The following CREB3L2 variants were observed in gnomAD, a reference collection of about 807,000 sequenced individuals.
CREB3L2 encodes the protein cAMP responsive element binding protein 3 like 2, also known as cyclic AMP-responsive element-binding protein 3-like protein 2.
A neutral mutation model predicts 57.2 loss-of-function variants in CREB3L2; 23 were observed. The observed-to-expected ratio is 0.40, with a 90% CI of 0.29 to 0.57. The LOEUF is 0.57. Ranked by LOEUF, CREB3L2 falls within the 20% of genes least tolerant of loss-of-function variation. CREB3L2 has a pLI of 0.42. For synonymous variants in CREB3L2, 268 were observed against 265.1 expected (o/e 1.01, Z -0.11); for missense variants, 628 against 634.7 (o/e 0.99, Z 0.11).
At chr7:137,948,510 C>G (rs1339268612) in intron 1 of CREB3L2, among the ~76,000 whole-genome samples, 1 of 152,180 alleles carries the variant, frequency 6.6e-6, no homozygotes, top group Non-Finnish European at 1.5e-5. Context: ...TTCCATGTCC[C>G]TACTAAATTT....
At chr7:137,966,977 A>G (rs2117293893) in intron 1 of CREB3L2, among the ~76,000 whole-genome samples, 1 of 152,302 alleles carries the variant, frequency 6.6e-6, no homozygotes, top group East Asian at 1.9e-4. Context: ...GGAGGTTTAC[A>G]TGACGTCATG....
intron 5 of CREB3L2, among the ~76,000 whole-genome samples, chr7:137,906,674 C>T (rs1225357936): frequency 1.3e-5 from 2 of 152,314 alleles, no homozygotes; most frequent in South Asian, 2.1e-4. Context: ...TCCCATAATT[C>T]CCACGTGTTG....
At position 137,905,801 on chromosome 7, in the gene CREB3L2, C is replaced by T. The variant is rs1387344082; in HGVS notation, c.816G>A (p.Arg272=). 3 of 1,614,024 alleles carry T rather than the reference C, an allele frequency of 1.9e-6. No individual in the cohort carries two copies. The highest frequency in any genetic ancestry group is 2.5e-6 in the Non-Finnish European group (3 of 1,180,016). ...TGGGATAGCCCTCAGCGATCAGGGT[C>T]CTCTTCTCCTCCTCTGTCAGGACCA... ...GPLVLTEEEK[R]TLIAEGYPIP... is the part of the protein sequence containing the mutation. Residue 272 remains arginine (R), a synonymous_variant, in exon 6 of 12, where the codon AGG becomes AGA. Transcript: ENST00000330387.
At position 137,899,047 on chromosome 7, in the gene CREB3L2, G is replaced by GAAAGAAAGAA. The variant is rs1374681222; in HGVS notation, c.1043+2297_1043+2306dup. 1.5e-3 allele frequency among the ~76,000 whole-genome samples: 211 copies of GAAAGAAAGAA among 136,232 alleles called. 15 individuals carry two copies. In the South Asian group the frequency reaches 0.021, roughly 14 times the overall value. The allele number at this position is 136,232 out of a possible 152,430, so 89.4% of individuals were successfully genotyped here. On this transcript the variant is annotated intron_variant, in intron 8 of 11. Transcript: ENST00000330387. ...AGGGAAGGAAGAAAGGAAGAAAAAA[G>GAAAGAAAGAA]AAAGAAAGAAAAAGAAAGAGAAAGA...
chr7:137,968,264 G>C (rs1477146208), intron 1 of CREB3L2, among the ~76,000 whole-genome samples: 4 of 151,628 alleles, frequency 2.6e-5, no homozygotes. Flanking sequence ...ACAACGTGCA[G>C]GTTTGTTACA....
intron 1 of CREB3L2, among the ~76,000 whole-genome samples, chr7:137,962,367 C>G (rs990287855): frequency 3.3e-5 from 5 of 152,136 alleles, no homozygotes; most frequent in African/African-American, 4.8e-5. Context: ...CCCTCCTCTA[C>G]TCAAATCCTG....
At chr7:137,898,040 C>T (rs57652043) in intron 8 of CREB3L2, among the ~76,000 whole-genome samples, 28,634 of 152,076 alleles carry the variant, frequency 0.19, 8,276 homozygotes, top group African/African-American at 0.63. Flanking sequence ...ATATTAAAAA[C>T]ATATGAGGAA....
At chr7:137,914,796 G>A (rs1169606855) in intron 3 of CREB3L2, among the ~76,000 whole-genome samples, 1 of 152,158 alleles carries the variant, frequency 6.6e-6, no homozygotes, top group African/African-American at 2.4e-5. Context: ...CTACACAGAT[G>A]GACTGACAAG....
At position 137,902,422 on chromosome 7, in the gene CREB3L2, C is replaced by A. The variant is rs143749368; in HGVS notation, c.975-1000G>T. 1.7e-3 allele frequency among the ~76,000 whole-genome samples: 253 copies of A among 152,232 alleles called. 1 individual carries two copies. Among genetic ancestry groups the A allele is most frequent in the Non-Finnish European group, 2.9e-3 (198 of 68,020 alleles). On this transcript the variant is annotated intron_variant, in intron 7 of 11. Transcript: ENST00000330387. Reference sequence around the variant, plus strand: ...CTGATAAGAAGTGAAGAGACTTAAGCAAAGGGCAGGACGAGAGCCCAGGAC... The same window carrying A: ...CTGATAAGAAGTGAAGAGACTTAAGAAAAGGGCAGGACGAGAGCCCAGGAC...
chr7:137,875,620 G>A lies in CREB3L2; in HGVS notation c.*4856C>T, dbSNP rs1024017333. 9 of 224,876 alleles carry A rather than the reference G, an allele frequency of 4.0e-5. No individual in the cohort carries two copies. The highest frequency in any genetic ancestry group is 8.0e-5 in the Non-Finnish European group (9 of 112,848). 13.9% of individuals were successfully genotyped at this position (224,876 alleles called of 1,614,324 possible). On this transcript the variant is annotated 3_prime_UTR_variant, in exon 12 of 12. Transcript: ENST00000330387. Reference sequence around the variant, plus strand: ...CACAGCAGGGCCATTGCAGGGGACAGGTGCTGTAATTCCTGCCCAGAGAAC... The same window carrying A: ...CACAGCAGGGCCATTGCAGGGGACAAGTGCTGTAATTCCTGCCCAGAGAAC...
chr7:137,912,201 A>G (rs1800024080), intron 4 of CREB3L2, among the ~76,000 whole-genome samples: 1 of 151,860 alleles, frequency 6.6e-6, no homozygotes, highest in African/African-American at 2.4e-5. Context: ...ATGTGGCAAA[A>G]CCTCGTCTCT....
intron 8 of CREB3L2, among the ~76,000 whole-genome samples, chr7:137,898,875 TA>T (rs1041439985): frequency 4.0e-5 from 6 of 150,828 alleles, no homozygotes; most frequent in Non-Finnish European, 8.8e-5. Flanking sequence ...ACATGGACCT[TA>T]TTTGGATATC....
At chr7:137,994,945 C>T (rs958662586) in intron 1 of CREB3L2, among the ~76,000 whole-genome samples, 1 of 152,214 alleles carries the variant, frequency 6.6e-6, no homozygotes, top group Admixed American at 6.5e-5. Context: ...TTAACTCAGA[C>T]TATTTTACTA....
In CREB3L2 at chr7:137,937,767, C is replaced by T. The variant is rs1047054770; in HGVS notation, c.103-9401G>A. On this transcript the variant is annotated intron_variant, in intron 1 of 11. Coordinates refer to ENST00000330387, the MANE Select transcript of CREB3L2 (RefSeq NM_194071.4). ...GTGTTTTGTTCTGAAGTGATATTTG[C>T]TTTACTGAAATTTCACTAGCAGTAA... 4.0e-5 allele frequency among the ~76,000 whole-genome samples: 6 copies of T among 149,726 alleles called. 1 individual carries two copies. The highest frequency in any genetic ancestry group is 4.0e-4 in the Admixed American group (6 of 15,020).
chr7:138,000,222 T>C (rs1802052132), intron 1 of CREB3L2, among the ~76,000 whole-genome samples: 1 of 152,192 alleles, frequency 6.6e-6, no homozygotes, highest in South Asian at 2.1e-4. Flanking sequence ...ATGGATAAAA[T>C]GTAGCCTGTC....
At chr7:137,961,854 T>G (rs1245547522) in intron 1 of CREB3L2, among the ~76,000 whole-genome samples, 1 of 152,186 alleles carries the variant, frequency 6.6e-6, no homozygotes, top group African/African-American at 2.4e-5. Context: ...CTCCATGATC[T>G]CATGACCCAT....
chr7:137,885,535 C>G (rs375867046), intron 8 of CREB3L2, 33 bp from the exon 9 acceptor site: 24 of 1,534,598 alleles, frequency 1.6e-5, no homozygotes, highest in Non-Finnish European at 1.4e-5. Flanking sequence ...TGAGGGGAGT[C>G]TGACAGAGAA....
intron 2 of CREB3L2, among the ~76,000 whole-genome samples, chr7:137,917,772 T>A (rs943342875): frequency 3.8e-4 from 58 of 152,304 alleles, no homozygotes; most frequent in African/African-American, 1.4e-3. Context: ...TGATGAATTA[T>A]CCCAGCCTCA....
At chr7:137,987,956 A>C (rs778974251) in intron 1 of CREB3L2, among the ~76,000 whole-genome samples, 8 of 152,228 alleles carry the variant, frequency 5.3e-5, no homozygotes, top group Non-Finnish European at 7.3e-5. Context: ...AGGCCTCAGA[A>C]ACCCATTTAA....
Sources: gnomAD v4.1 joint callset for allele counts (sites outside exome capture counted in the v4.1 genomes callset) on GRCh38, gnomAD v4.1.1 for gene constraint, MANE v1.5 for transcripts, NCBI Gene and HGNC (gene_info 2026-07-23, HGNC 2026-07-21) for gene names.